Variants in ZDHHC14 observed in about 807,000 individuals in gnomAD.
The protein encoded by ZDHHC14 is palmitoyltransferase ZDHHC14.
In ZDHHC14, 16 loss-of-function variants were observed where a neutral mutation model predicts 47.7. The ratio of observed to expected loss-of-function variants is 0.34; its 90% CI spans 0.23 to 0.51. The LOEUF is 0.51. ZDHHC14 is among the 20% of genes least tolerant of loss of function. The probability of loss-of-function intolerance (pLI) is 0.97; values close to 1 mark genes in which losing one functional copy is unlikely to be tolerated. For missense variants in ZDHHC14, 515 were observed against 662.5 expected, an observed-to-expected ratio of 0.78 and a Z score of 2.44; for synonymous variants, 293 against 278.9, an observed-to-expected ratio of 1.05 and a Z score of -0.50.
At chr6:157,597,106 C>T (rs956385881) in intron 3 of ZDHHC14, among the ~76,000 whole-genome samples, 44 of 152,148 alleles carry the variant, frequency 2.9e-4, no homozygotes, top group African/African-American at 1.0e-3. Flanking sequence ...ACACGTGGAA[C>T]GCAGCATTTC....
In ZDHHC14 at chr6:157,390,268, T is replaced by A. The variant is rs145052416; in HGVS notation, c.245+8002T>A. 3.4e-3 allele frequency among the ~76,000 whole-genome samples: 515 copies of A among 152,056 alleles called. 5 individuals are homozygous for A. The highest frequency in any genetic ancestry group is 0.012 in the African/African-American group (487 of 41,524). Reference sequence around the variant, plus strand: ...GTTTCTGATGAGACCTTAGTTGTTATTTTTTTTAGCATTTCCCCCCATATG... The same window carrying A: ...GTTTCTGATGAGACCTTAGTTGTTAATTTTTTTAGCATTTCCCCCCATATG... On this transcript the variant is annotated intron_variant, in intron 1 of 8. Coordinates refer to ENST00000359775, the MANE Select transcript of ZDHHC14 (RefSeq NM_024630.3).
At chr6:157,434,052 T>C (rs908287312) in intron 1 of ZDHHC14, among the ~76,000 whole-genome samples, 4 of 152,070 alleles carry the variant, frequency 2.6e-5, no homozygotes, top group Admixed American at 2.6e-4. Flanking sequence ...CAGTACATGG[T>C]TTTTGACCCT....
chr6:157,626,183 A>T (rs1000214531), intron 3 of ZDHHC14, among the ~76,000 whole-genome samples: 2 of 152,066 alleles, frequency 1.3e-5, no homozygotes, highest in Non-Finnish European at 2.9e-5. Flanking sequence ...TTCTTTGCTG[A>T]TAGGCGATTT....
At chr6:157,479,236 T>C (rs1055908658) in intron 1 of ZDHHC14, among the ~76,000 whole-genome samples, 1 of 152,234 alleles carries the variant, frequency 6.6e-6, no homozygotes, top group Non-Finnish European at 1.5e-5. Context: ...AGTACTTACC[T>C]CATAGGAGTG....
At chr6:157,669,697 T>A (rs1376315376) in intron 8 of ZDHHC14, among the ~76,000 whole-genome samples, 1 of 152,212 alleles carries the variant, frequency 6.6e-6, no homozygotes, top group Admixed American at 6.5e-5. Flanking sequence ...GGGGGTATTG[T>A]GTGGACAGAA....
intron 1 of ZDHHC14, among the ~76,000 whole-genome samples, chr6:157,461,465 A>C (rs907936213): frequency 2.0e-5 from 3 of 152,192 alleles, no homozygotes; most frequent in Admixed American, 6.5e-5. Context: ...GCTTTCCTGA[A>C]CGCATTGTAC....
At chr6:157,610,836 A>G (rs376846356) in intron 3 of ZDHHC14, among the ~76,000 whole-genome samples, 2 of 152,324 alleles carry the variant, frequency 1.3e-5, no homozygotes. Context: ...GCCTGGTATC[A>G]AGCTGCCTGG....
chr6:157,496,072 C>T (rs917909937), intron 1 of ZDHHC14, among the ~76,000 whole-genome samples: 30 of 152,284 alleles, frequency 2.0e-4, no homozygotes, highest in African/African-American at 7.0e-4. Flanking sequence ...ACATTGTACC[C>T]AATTCCACAT....
In ZDHHC14 at chr6:157,540,023, A is replaced by T. The variant is rs575674268; in HGVS notation, c.246-2562A>T. Among the ~76,000 whole-genome samples, 19 of 152,310 alleles carry T rather than the reference A, an allele frequency of 1.2e-4. No individual in the cohort carries two copies. In the South Asian group the frequency reaches 3.7e-3, roughly 30 times the overall value. On this transcript the variant is annotated intron_variant, in intron 1 of 8. Transcript: ENST00000359775. ...GGAAACACAGACAGAGGCATTTCGGATCCATACCCTGATTTGTCCAAGTGC... is the reference window on the plus strand; with the variant it reads ...GGAAACACAGACAGAGGCATTTCGGTTCCATACCCTGATTTGTCCAAGTGC...
intron 7 of ZDHHC14, among the ~76,000 whole-genome samples, chr6:157,652,729 T>C (rs1297672262): frequency 6.6e-6 from 1 of 152,150 alleles, no homozygotes; most frequent in African/African-American, 2.4e-5. Context: ...GATACAGATA[T>C]TGAGACGGCC....
At chr6:157,657,699 C>A (rs773416933) in intron 8 of ZDHHC14, among the ~76,000 whole-genome samples, 1 of 152,186 alleles carries the variant, frequency 6.6e-6, no homozygotes, top group East Asian at 1.9e-4. Flanking sequence ...AGCACTACTC[C>A]GGATTTGGTA....
chr6:157,411,223 A>C (rs1040438257), intron 1 of ZDHHC14, among the ~76,000 whole-genome samples: 2 of 152,198 alleles, frequency 1.3e-5, no homozygotes, highest in African/African-American at 4.8e-5. Flanking sequence ...AATGAATGAA[A>C]AAAAGCCAAT....
intron 1 of ZDHHC14, among the ~76,000 whole-genome samples, chr6:157,482,113 G>A (rs748999620): frequency 5.1e-4 from 78 of 152,214 alleles, no homozygotes; most frequent in Admixed American, 2.3e-3. Flanking sequence ...AAAAGTGCAC[G>A]ATCTTCTTGA....
chr6:157,527,451 T>C (rs187570455), intron 1 of ZDHHC14, among the ~76,000 whole-genome samples: 1 of 152,350 alleles, frequency 6.6e-6, no homozygotes, highest in Non-Finnish European at 1.5e-5. Flanking sequence ...CTTGCTCTTA[T>C]AGTCAGACAA....
rs535474449 is a variant in ZDHHC14, at chr6:157,569,120, T to C, written c.407-23868T>C. On this transcript the variant is annotated intron_variant, in intron 2 of 8. Transcript: ENST00000359775. ...TCTTTTCTTTATGTTGCCAAACTTA[T>C]GTGACAAGCCAACCTATATAGAAAA... Among the ~76,000 whole-genome samples, 4 of 152,218 alleles carry C rather than the reference T, an allele frequency of 2.6e-5. No individual in the cohort carries two copies. In the East Asian group the frequency reaches 5.8e-4, roughly 22 times the overall value.
intron 1 of ZDHHC14, among the ~76,000 whole-genome samples, chr6:157,419,829 G>A (rs966370329): frequency 3.9e-5 from 6 of 152,160 alleles, no homozygotes; most frequent in Non-Finnish European, 8.8e-5. Context: ...TGGATATATG[G>A]TAAGACTGTG....
At chr6:157,593,436 C>T (rs1783997957) in intron 3 of ZDHHC14, among the ~76,000 whole-genome samples, 1 of 152,160 alleles carries the variant, frequency 6.6e-6, no homozygotes, top group South Asian at 2.1e-4. Flanking sequence ...AATCATGTCT[C>T]CCCCAGGCCT....
intron 4 of ZDHHC14, chr6:157,630,728 C>CACA (rs1562518090): frequency 6.7e-6 from 1 of 150,230 alleles, no homozygotes; most frequent in African/African-American, 2.5e-5. Flanking sequence ...CACCCACACA[C>CACA]CGCCTTACAC....
intron 2 of ZDHHC14, among the ~76,000 whole-genome samples, chr6:157,549,275 C>T (rs748042889): frequency 3.3e-5 from 5 of 152,220 alleles, no homozygotes; most frequent in Non-Finnish European, 5.9e-5. Context: ...CCGCGGCCGG[C>T]GGGCTTGGTT....
Sources: gnomAD v4.1 joint callset for allele counts (sites outside exome capture counted in the v4.1 genomes callset) on GRCh38, gnomAD v4.1.1 for gene constraint, MANE v1.5 for transcripts, NCBI Gene and HGNC (gene_info 2026-07-23, HGNC 2026-07-21) for gene names.